Variants in OR3A3 observed in about 807,000 individuals in gnomAD.
OR3A3 encodes olfactory receptor 3A3.
For synonymous variants in OR3A3, 103 were observed against 163.9 expected (o/e 0.63, Z 2.84); for missense variants, 275 against 391.4 (o/e 0.70, Z 2.51).
At chr17:3,423,997 TTTCCTATA>T (rs1450011735) in exon 3 of OR3A3, 1 of 151,222 alleles carries the variant, frequency 6.6e-6, no homozygotes, top group Non-Finnish European at 1.5e-5. Flanking sequence ...CCTCCAAAGA[TTTCCTATA>T]TATATGATAT....
exon 3 of OR3A3, chr17:3,421,876 CTG>C (rs146084907): frequency 0.45 from 75,686 of 168,016 alleles, 19,040 homozygotes; most frequent in Non-Finnish European, 0.58. Context: ...TAGAAAAAAG[CTG>C]GTAAGACAGG....
At chr17:3,421,035 G>A (rs750819545) in exon 3 of OR3A3, 46 of 1,614,028 alleles carry the variant, frequency 2.9e-5, no homozygotes, top group Non-Finnish European at 3.4e-5. Context: ...TGGTGGCTGC[G>A]TCCTGGGCTT....
chr17:3,419,288 ATCT>A (rs2072411417), intron 2 of OR3A3, among the ~76,000 whole-genome samples: 1 of 152,146 alleles, frequency 6.6e-6, no homozygotes, highest in Admixed American at 6.5e-5. Context: ...CCTTCACTTG[ATCT>A]TCACTATTTC....
At chr17:3,418,844 T>C (rs186344737) in intron 2 of OR3A3, among the ~76,000 whole-genome samples, 3 of 152,310 alleles carry the variant, frequency 2.0e-5, no homozygotes, top group Non-Finnish European at 2.9e-5. Context: ...AATAAAGACA[T>C]TGATATTTTT....
At chr17:3,420,056 T>C (rs183346264) in intron 2 of OR3A3, among the ~76,000 whole-genome samples, 74 of 152,266 alleles carry the variant, frequency 4.9e-4, no homozygotes, top group African/African-American at 1.6e-3. Context: ...CATGAGCCAC[T>C]GCGCCCGGGG....
In OR3A3 at chr17:3,421,351, GGGACAGGTGTCTT is replaced by G. The variant is rs1159615869; in HGVS notation, c.767_779del (p.Gly256AlafsTer4). The G allele has an allele frequency of 1.2e-6, 2 of 1,614,158 alleles. No homozygotes were observed. The highest frequency in any genetic ancestry group is 3.3e-5 in the Admixed American group (2 of 60,024). Reference sequence around the variant, plus strand: ...CCTCACTGTGGTGGGCATCTTCTATGGGACAGGTGTCTTCAGCTACATGAGGCTGGGTTCAGTG... The same window carrying G: ...CCTCACTGTGGTGGGCATCTTCTATGCAGCTACATGAGGCTGGGTTCAGTG... On this transcript the variant is annotated frameshift_variant, in exon 3 of 3. Transcript: ENST00000641141. LOFTEE classifies it high-confidence loss of function.
At chr17:3,421,645 G>A in exon 3 of OR3A3, 2 of 1,220,754 alleles carry the variant, frequency 1.6e-6, no homozygotes, top group East Asian at 2.4e-5. Flanking sequence ...CCTGAGGAGT[G>A]GTGTTATGTG....
chr17:3,421,050 C>G lies in OR3A3; in HGVS notation c.465C>G (p.Ala155=), dbSNP rs1171994456. Residue 155 remains alanine (A), a synonymous_variant, in exon 3 of 3, where the codon GCC becomes GCG. Coordinates refer to ENST00000641141, the Ensembl canonical transcript of OR3A3. Reference sequence around the variant, plus strand: ...TGGTGGCTGCGTCCTGGGCTTGTGCCTTCACCAACGCACTGACCCACACTG... The same window carrying G: ...TGGTGGCTGCGTCCTGGGCTTGTGCGTTCACCAACGCACTGACCCACACTG... 2.5e-6 allele frequency: 4 copies of G among 1,614,004 alleles called. No homozygotes were observed. The Admixed American group carries it at 6.7e-5, about 27-fold the overall frequency.
chr17:3,412,931 C>T (rs533737287), intron 2 of OR3A3, among the ~76,000 whole-genome samples: 10 of 152,156 alleles, frequency 6.6e-5, no homozygotes, highest in African/African-American at 1.7e-4. Context: ...TTAATGTGTC[C>T]GGAAAGTCTT....
chr17:3,412,657 G>A (rs2072368905), intron 2 of OR3A3, among the ~76,000 whole-genome samples: 1 of 150,658 alleles, frequency 6.6e-6, no homozygotes, highest in African/African-American at 2.4e-5. Flanking sequence ...CTGGTTTTAA[G>A]CAATTGTATC....
intron 2 of OR3A3, among the ~76,000 whole-genome samples, chr17:3,415,509 C>A (rs190358956): frequency 0.012 from 1,729 of 140,424 alleles, 33 homozygotes; most frequent in African/African-American, 0.042. Flanking sequence ...TGCAGTGAGC[C>A]AAGATCATGC....
exon 3 of OR3A3, chr17:3,422,012 C>T (rs2072438607): frequency 1.3e-5 from 2 of 153,018 alleles, no homozygotes. Flanking sequence ...GCAGCAATGT[C>T]CTACAGGAAA....
At chr17:3,412,281 A>G (rs1371100009) in intron 2 of OR3A3, 110 bp downstream of exon 2, 2 of 149,818 alleles carry the variant, frequency 1.3e-5, no homozygotes, top group African/African-American at 5.0e-5. Flanking sequence ...AGGGAAAGCC[A>G]TTTAGGGGAA....
intron 2 of OR3A3, among the ~76,000 whole-genome samples, chr17:3,417,329 G>A (rs991405011): frequency 1.3e-5 from 2 of 151,856 alleles, no homozygotes; most frequent in African/African-American, 4.8e-5. Context: ...CATATCTTTT[G>A]ACTTACAATT....
intron 2 of OR3A3, among the ~76,000 whole-genome samples, chr17:3,412,482 T>G (rs1362580468): frequency 6.8e-6 from 1 of 147,046 alleles, no homozygotes; most frequent in Non-Finnish European, 1.5e-5. Context: ...CTCGTCATGT[T>G]GGGCGCGTGA....
chr17:3,415,021 T>G (rs1015465954), intron 2 of OR3A3, among the ~76,000 whole-genome samples: 1 of 152,182 alleles, frequency 6.6e-6, no homozygotes, highest in Non-Finnish European at 1.5e-5. Context: ...AGTTTCCTTC[T>G]GTTTATTATA....
At chr17:3,419,396 C>T (rs2072412229) in intron 2 of OR3A3, among the ~76,000 whole-genome samples, 1 of 152,170 alleles carries the variant, frequency 6.6e-6, no homozygotes, top group Admixed American at 6.5e-5. Context: ...TTATTGGTCT[C>T]TGATTCTATG....
chr17:3,415,802 ATTATTATTATT>A (rs1567583244), intron 2 of OR3A3, among the ~76,000 whole-genome samples: 2 of 102,600 alleles, frequency 1.9e-5, no homozygotes, highest in African/African-American at 9.2e-5. Flanking sequence ...TTTTTAAATT[ATTATTATTATT>A]ATTATTATTA....
chr17:3,421,320 C>G (rs1346099757), exon 3 of OR3A3: 1 of 1,614,110 alleles, frequency 6.2e-7, no homozygotes, highest in Non-Finnish European at 8.5e-7. Flanking sequence ...CCACATGTGG[C>G]TCCCACCTCA....
Sources: gnomAD v4.1 joint callset for allele counts (sites outside exome capture counted in the v4.1 genomes callset) on GRCh38, gnomAD v4.1.1 for gene constraint, MANE v1.5 for transcripts, NCBI Gene and HGNC (gene_info 2026-07-23, HGNC 2026-07-21) for gene names.